ZNF180: variants seen among roughly 807,000 people sequenced by gnomAD.
The protein encoded by ZNF180 is zinc finger protein 180.
ZNF180 carries 11 observed loss-of-function variants against 11.8 expected under a neutral mutation model. That is an observed-to-expected ratio of 0.93 (90% CI 0.59 to 1.55). The LOEUF (loss-of-function observed/expected upper bound fraction) is 1.55. ZNF180 is among the 40% of genes most tolerant of loss of function. The pLI is 0.00. For synonymous variants in ZNF180, 287 were observed against 257.7 expected (o/e 1.11, Z -1.09); for missense variants, 773 against 781.7 (o/e 0.99, Z 0.13).
intron 2 of ZNF180, among the ~76,000 whole-genome samples, chr19:44,493,933 G>T (rs1970512117): frequency 6.6e-6 from 1 of 152,154 alleles, no homozygotes; most frequent in Admixed American, 6.5e-5. Flanking sequence ...ACAACAACTT[G>T]CCTGCAACCT....
rs142607008 is a variant in ZNF180 at position 44,480,807 on chromosome 19, C to G, written c.127-1398G>C. Among the ~76,000 whole-genome samples, 394 of 152,276 alleles carry G rather than the reference C, an allele frequency of 2.6e-3. 1 individual carries two copies. The highest frequency in any genetic ancestry group is 8.0e-3 in the African/African-American group (332 of 41,550). ...ATGAGGTCAAGTGTAGAATTTTCCA[C>G]TTGTGGCATTATGCTGGGGCTCCAA... is the stretch of plus-strand genomic sequence containing the variant. On this transcript the variant is annotated intron_variant, in intron 3 of 4. Coordinates refer to ENST00000592529, the MANE Select transcript of ZNF180 (RefSeq NM_001278509.3).
chr19:44,489,046 G>T (rs960704663), intron 2 of ZNF180, among the ~76,000 whole-genome samples: 6 of 150,546 alleles, frequency 4.0e-5, no homozygotes, highest in African/African-American at 1.5e-4. Context: ...CACCCCGTCC[G>T]GGAGGGAGGT....
At chr19:44,496,754 AAT>A (rs201064112) in intron 2 of ZNF180, 13 of 152,140 alleles carry the variant, frequency 8.5e-5, no homozygotes, top group African/African-American at 2.9e-4. Flanking sequence ...AACTACAGAT[AAT>A]GTTTGTTAAC....
chr19:44,489,071 GCC>G (rs1600087202), intron 2 of ZNF180, among the ~76,000 whole-genome samples: 1 of 130,376 alleles, frequency 7.7e-6, no homozygotes, highest in East Asian at 4.6e-4. Flanking sequence ...GTCAGCCCCC[GCC>G]CGGCCAGCCG....
At chr19:44,496,672 C>CAAAAAAAAAAAAAAAAAAAAAAAAAA (rs55678572) in intron 2 of ZNF180, 3 of 71,598 alleles carry the variant, frequency 4.2e-5, no homozygotes, top group African/African-American at 7.0e-5. Context: ...GACTCTGTCT[C>CAAAAAAAAAAAAAAAAAAAAAAAAAA]AAAAAAAAAA....
chr19:44,499,733 T>C (rs1296121764), intron 1 of ZNF180, among the ~76,000 whole-genome samples: 1 of 152,144 alleles, frequency 6.6e-6, no homozygotes, highest in African/African-American at 2.4e-5. Flanking sequence ...GCAACTCCAA[T>C]CTGGTCTCTC....
rs762917245 is a variant in ZNF180, at chr19:44,495,135, G to A, written c.51+2149C>T. Among the ~76,000 whole-genome samples the A allele has an allele frequency of 6.6e-6, 1 of 152,156 alleles. No individual in the cohort carries two copies. Among genetic ancestry groups the A allele is most frequent in the Non-Finnish European group, 1.5e-5 (1 of 68,024 alleles). ...TGCCGTATCTGTACCTCCCTGATTT[G>A]ATGGCAAGGCGCCTGGCTCCAGTCC... On this transcript the variant is annotated intron_variant, in intron 2 of 4. Transcript: ENST00000592529. The surrounding 1 kb of genome is among the most constrained non-coding windows in gnomAD (Gnocchi z 4.5).
Position 44,478,010 on chromosome 19 carries a change from AT to A in ZNF180, c.389del (p.Asp130ValfsTer45), listed in dbSNP as rs779691858. On this transcript the variant is annotated frameshift_variant, in exon 5 of 5. Coordinates refer to ENST00000592529, the MANE Select transcript of ZNF180 (RefSeq NM_001278509.3). LOFTEE classifies it low-confidence loss of function (END_TRUNC). The stretch of plus-strand genomic sequence containing the variant: ...GTTGCTTCTCCAACTGGTCTTTACA[AT>A]CATCCACTTCTTCACATGAAGATAA... ...PWLSSCEEVD[D>X]CKDQLEKQQE... The A allele has an allele frequency of 3.0e-4, 480 of 1,613,932 alleles. No homozygotes were observed. Among genetic ancestry groups the A allele is most frequent in the Non-Finnish European group, 3.8e-4 (449 of 1,179,980 alleles).
At chr19:44,480,261 G>A (rs538544686) in intron 3 of ZNF180, among the ~76,000 whole-genome samples, 15 of 152,128 alleles carry the variant, frequency 9.9e-5, no homozygotes, top group African/African-American at 3.1e-4. Context: ...GTGCATCACC[G>A]TGCTTGGCTA....
intron 1 of ZNF180, 72 bp from the exon 2 acceptor site, chr19:44,497,449 C>T: frequency 7.0e-7 from 1 of 1,431,150 alleles, no homozygotes; most frequent in Non-Finnish European, 9.3e-7. Context: ...CCCCCATTAG[C>T]CCCTGCTCCC....
chr19:44,476,599 T>C lies in ZNF180; in HGVS notation c.1801A>G (p.Thr601Ala), dbSNP rs1288325613. The C allele has an allele frequency of 6.2e-7, 1 of 1,614,172 alleles. No homozygotes were observed. Among genetic ancestry groups the C allele is most frequent in the Non-Finnish European group, 8.5e-7 (1 of 1,179,984 alleles). The change falls in exon 5 of 5, where the codon ACT (threonine) becomes GCT (alanine). Residue 601 changes from threonine to alanine, a missense_variant. By Grantham distance (58) the Thr-to-Ala change is moderately conservative (BLOSUM62 0). Transcript: ENST00000592529. Reference protein sequence around the residue: ...SCLTQHQRTHTGEKPFECNQC... With the variant: ...SCLTQHQRTHAGEKPFECNQC... ...TTACATTCAAATGGTTTCTCTCCAG[T>C]ATGAGTTCTCTGATGTTGAGTAAGG...
intron 1 of ZNF180, among the ~76,000 whole-genome samples, chr19:44,499,529 T>C (rs1412337416): frequency 6.6e-6 from 1 of 152,160 alleles, no homozygotes; most frequent in Non-Finnish European, 1.5e-5. Context: ...AGCTCTGCAC[T>C]ATCCTACATA....
At chr19:44,484,288 T>A in intron 3 of ZNF180, 73 bp downstream of exon 3, 1 of 1,303,684 alleles carries the variant, frequency 7.7e-7, no homozygotes. Context: ...GCCCGGCCTA[T>A]TTCCTCACTT....
Position 44,477,406 on chromosome 19 carries a change from C to T in ZNF180, c.994G>A (p.Gly332Arg). Residue 332 changes from glycine to arginine, a missense_variant, in exon 5 of 5, where the codon GGG becomes AGG. Physicochemically the swap from Gly to Arg is moderately radical, Grantham distance 125 (BLOSUM62 -2). Coordinates refer to ENST00000592529, the MANE Select transcript of ZNF180 (RefSeq NM_001278509.3). ...TGCGAGCTCCAGCTGAAGGATTTCCCACACTGATTACATTCAAAAGGTTTC... is the reference window on the plus strand; with the variant it reads ...TGCGAGCTCCAGCTGAAGGATTTCCTACACTGATTACATTCAAAAGGTTTC... Reference protein sequence around the residue: ...EEKPFECNQCGKSFSWSSHLV... With the variant: ...EEKPFECNQCRKSFSWSSHLV... 1 of 1,614,182 alleles carries T rather than the reference C, an allele frequency of 6.2e-7. No homozygotes were observed.
chr19:44,486,731 C>A (rs553908915), intron 2 of ZNF180, among the ~76,000 whole-genome samples: 114 of 152,154 alleles, frequency 7.5e-4, no homozygotes, highest in African/African-American at 2.6e-3. Context: ...CAGTGAGGCT[C>A]CCCTGTCTAT....
rs1322832451 is a variant in ZNF180 at position 44,484,431 on chromosome 19, G to C, written c.56C>G (p.Ser19Cys). The change falls in exon 3 of 5, where the codon TCT (serine) becomes TGT (cysteine). Residue 19 changes from serine to cysteine, a missense_variant. By Grantham distance (112) the Ser-to-Cys change is moderately radical (BLOSUM62 -1). Transcript: ENST00000592529. ...PEPPKVCAQD[S>C]FLPQEIIIKV... ...GATGATAATCTCTTGAGGAAGGAAA[G>C]AATCCTGAAAAGGCAAAACAGATGA... is the stretch of plus-strand genomic sequence containing the variant. 3.1e-6 allele frequency: 5 copies of C among 1,613,640 alleles called. No homozygotes were observed. In the South Asian group the frequency reaches 5.5e-5, roughly 18 times the overall value.
intron 2 of ZNF180, among the ~76,000 whole-genome samples, chr19:44,485,500 C>T (rs950136814): frequency 1.3e-5 from 2 of 152,096 alleles, no homozygotes; most frequent in African/African-American, 4.8e-5. Flanking sequence ...TTTATATTTA[C>T]TTATTTGCTC....
At chr19:44,489,305 AG>A (rs1438825173) in intron 2 of ZNF180, among the ~76,000 whole-genome samples, 1 of 141,408 alleles carries the variant, frequency 7.1e-6, no homozygotes, top group Non-Finnish European at 1.6e-5. Flanking sequence ...AAAGGGGGAA[AG>A]GTGGGGAAAA....
Position 44,500,364 on chromosome 19 carries a change from C to T in ZNF180, c.-133G>A. The stretch of plus-strand genomic sequence containing the variant: ...TGCGGCAGGACGAACTCGGGTTAGG[C>T]AACCCCCTGCCCCGATTCTGCAACA... On this transcript the variant is annotated 5_prime_UTR_variant, in exon 1 of 5. Transcript: ENST00000592529. 8.1e-7 allele frequency: 1 copy of T among 1,236,476 alleles called. No individual in the cohort carries two copies. Among genetic ancestry groups the T allele is most frequent in the Non-Finnish European group, 1.2e-6 (1 of 854,324 alleles). 76.6% of individuals were successfully genotyped at this position (1,236,476 alleles called of 1,614,324 possible).
Sources: gnomAD v4.1 joint callset for allele counts (sites outside exome capture counted in the v4.1 genomes callset) on GRCh38, gnomAD v4.1.1 for gene constraint, Gnocchi (gnomAD v3.1) non-coding constraint, MANE v1.5 for transcripts, NCBI Gene and HGNC (gene_info 2026-07-23, HGNC 2026-07-21) for gene names.